Variants in ANK3 observed in about 807,000 individuals in gnomAD.
ANK3 encodes ankyrin 3, also known as ankyrin-3.
Under a neutral mutation model 370.9 loss-of-function variants are expected in ANK3, and 57 were observed. That is an observed-to-expected ratio of 0.15 (90% confidence interval 0.12 to 0.19). ANK3 has a LOEUF of 0.19. Ranked by LOEUF, ANK3 falls within the 10% of genes least tolerant of loss-of-function variation. ANK3 has a pLI of 1.00. For missense variants in ANK3, 4,439 were observed against 5,302.1 expected (o/e 0.84, Z 5.06); for synonymous variants, 1,929 against 1,946.3 (o/e 0.99, Z 0.23).
intron 8 of ANK3, among the ~76,000 whole-genome samples, chr10:60,215,385 A>G (rs2211240): frequency 0.58 from 87,505 of 151,800 alleles, 25,331 homozygotes; most frequent in East Asian, 0.79. Flanking sequence ...TGTCAAATTT[A>G]GCTTTTGTTG....
intron 1 of ANK3, among the ~76,000 whole-genome samples, chr10:60,370,280 A>G (rs1416582261): frequency 6.6e-6 from 1 of 152,172 alleles, no homozygotes; most frequent in East Asian, 1.9e-4. Context: ...GTTTTTCAAG[A>G]TGCTTCCTTT....
intron 1 of ANK3, among the ~76,000 whole-genome samples, chr10:60,656,765 T>C (rs1457440141): frequency 6.6e-6 from 1 of 152,170 alleles, no homozygotes; most frequent in Non-Finnish European, 1.5e-5. Flanking sequence ...TAATTTCTTT[T>C]TTTTTTCTTT....
intron 18 of ANK3, among the ~76,000 whole-genome samples, chr10:60,176,964 G>GA (rs79291553): frequency 4.0e-5 from 6 of 150,014 alleles, no homozygotes; most frequent in South Asian, 2.1e-4. Context: ...AAACTTCTTG[G>GA]AAAAAAAAAT....
chr10:60,433,541 C>T (rs537875712), intron 2 of ANK3, among the ~76,000 whole-genome samples: 3 of 152,036 alleles, frequency 2.0e-5, no homozygotes, highest in South Asian at 2.1e-4. Context: ...TGCAGTGAGC[C>T]GAGATCATGC....
chr10:60,106,619 T>TGAA (rs750080996), intron 27 of ANK3, among the ~76,000 whole-genome samples: 32,958 of 151,780 alleles, frequency 0.22, 4,284 homozygotes, highest in East Asian at 0.59. Flanking sequence ...TGTGAAATGG[T>TGAA]AGTAGGTAGC....
intron 42 of ANK3, among the ~76,000 whole-genome samples, chr10:60,049,956 T>C (rs2077613966): frequency 6.6e-6 from 1 of 152,190 alleles, no homozygotes; most frequent in Admixed American, 6.5e-5. Flanking sequence ...GGGCAGCTAT[T>C]ATAAAGGAAT....
intron 1 of ANK3, among the ~76,000 whole-genome samples, chr10:60,353,394 C>T (rs1205109011): frequency 6.6e-6 from 1 of 152,090 alleles, no homozygotes; most frequent in African/African-American, 2.4e-5. Context: ...CTTTTCATTA[C>T]TTATTTTAAT....
chr10:60,165,033 C>T (rs2095590734), intron 23 of ANK3, among the ~76,000 whole-genome samples: 1 of 152,114 alleles, frequency 6.6e-6, no homozygotes, highest in Non-Finnish European at 1.5e-5. Flanking sequence ...TTCAAAATCT[C>T]CATTTTTGAA....
chr10:60,563,801 T>C (rs1470894535), intron 2 of ANK3, among the ~76,000 whole-genome samples: 1 of 152,222 alleles, frequency 6.6e-6, no homozygotes, highest in Non-Finnish European at 1.5e-5. Context: ...ATTTATATCA[T>C]GTTTTTTCCA....
chr10:60,334,479 G>A (rs1421650782), intron 1 of ANK3, among the ~76,000 whole-genome samples: 2 of 152,254 alleles, frequency 1.3e-5, no homozygotes, highest in East Asian at 3.9e-4. Flanking sequence ...AGAGGTTCAA[G>A]TCTATCTAGG....
intron 1 of ANK3, among the ~76,000 whole-genome samples, chr10:60,307,477 T>C (rs755851628): frequency 6.6e-6 from 1 of 151,848 alleles, no homozygotes; most frequent in African/African-American, 2.4e-5. Context: ...GGAATACAGG[T>C]GTGTGCCACT....
At chr10:60,203,509 A>T (rs552874033) in intron 11 of ANK3, among the ~76,000 whole-genome samples, 7 of 152,318 alleles carry the variant, frequency 4.6e-5, no homozygotes, top group Non-Finnish European at 7.4e-5. Context: ...CTTTTATTTC[A>T]GATCCTATTC....
chr10:60,589,398 T>C (rs894314432), intron 2 of ANK3, among the ~76,000 whole-genome samples: 4 of 152,210 alleles, frequency 2.6e-5, no homozygotes, highest in Non-Finnish European at 4.4e-5. Flanking sequence ...AAAATCCAAA[T>C]GCCTAGTAAA....
At chr10:60,198,223 T>C (rs2132409070) in intron 14 of ANK3, 117 bp downstream of exon 14, 1 of 996,152 alleles carries the variant, frequency 1.0e-6, no homozygotes, top group Non-Finnish European at 1.5e-6. Flanking sequence ...TAATGACTAC[T>C]GTGGGATCGC....
In ANK3 at chr10:60,076,018, G is replaced by C. The variant is rs2083714159; in HGVS notation, c.4863C>G (p.Ser1621=). 2 of 1,614,208 alleles carry C rather than the reference G, an allele frequency of 1.2e-6. No homozygotes were observed. Among genetic ancestry groups the C allele is most frequent in the African/African-American group, 1.3e-5 (1 of 75,066 alleles). The change falls in exon 37 of 44, where the codon TCC becomes TCG. Residue 1621 remains serine, a synonymous_variant. Coordinates refer to ENST00000280772, the MANE Select transcript of ANK3 (RefSeq NM_020987.5). ...LKGLASNSTF[S]SRTSPVTTAG... The stretch of plus-strand genomic sequence containing the variant: ...CTGTAGTCACTGGAGAGGTTCGAGA[G>C]GAAAACGTAGAATTGGATGCCAGCC...
intron 5 of ANK3, 86 bp from the exon 6 acceptor site, chr10:60,264,106 C>T (rs1163338954): frequency 1.7e-6 from 2 of 1,145,840 alleles, no homozygotes; most frequent in African/African-American, 1.6e-5. Context: ...AACCAAGTGA[C>T]CAAGCATCAA....
At chr10:60,332,880 T>C (rs2051729226) in intron 1 of ANK3, among the ~76,000 whole-genome samples, 1 of 152,042 alleles carries the variant, frequency 6.6e-6, no homozygotes, top group South Asian at 2.1e-4. Context: ...AAGACAAAAA[T>C]AATGGATCTG....
chr10:60,143,719 C>G (rs571768065), intron 23 of ANK3, among the ~76,000 whole-genome samples: 1 of 152,254 alleles, frequency 6.6e-6, no homozygotes, highest in African/African-American at 2.4e-5. Context: ...TGCATAGTAC[C>G]CCTAAATTGA....
At chr10:60,080,698 G>T in intron 35 of ANK3, 80 bp from the exon 36 acceptor site, 1 of 1,105,426 alleles carries the variant, frequency 9.0e-7, no homozygotes, top group Non-Finnish European at 1.3e-6. Context: ...TTGTAGGATG[G>T]CATGTTGATA....
Sources: gnomAD v4.1 joint callset for allele counts (sites outside exome capture counted in the v4.1 genomes callset) on GRCh38, gnomAD v4.1.1 for gene constraint, MANE v1.5 for transcripts, NCBI Gene and HGNC (gene_info 2026-07-23, HGNC 2026-07-21) for gene names.